Variants in EFCAB6 observed in about 807,000 individuals in gnomAD.
EFCAB6 encodes EF-hand calcium-binding domain-containing protein 6.
Under a neutral mutation model 169.8 loss-of-function variants are expected in EFCAB6, and 156 were observed. That is an observed-to-expected ratio of 0.92 (90% CI 0.81 to 1.05). The LOEUF (loss-of-function observed/expected upper bound fraction) is 1.05. EFCAB6 is among the 50% of genes least tolerant of loss of function. EFCAB6 has a pLI of 0.00. For missense variants in EFCAB6, 1,800 were observed against 1,829.1 expected (o/e 0.98, Z 0.29); for synonymous variants, 698 against 676.4 (o/e 1.03, Z -0.50).
At chr22:43,810,232 CA>C (rs1444756588) in intron 1 of EFCAB6, among the ~76,000 whole-genome samples, 1 of 152,142 alleles carries the variant, frequency 6.6e-6, no homozygotes, top group African/African-American at 2.4e-5. Flanking sequence ...TATGAGGGAC[CA>C]AACTGTGCTT....
intron 10 of EFCAB6, among the ~76,000 whole-genome samples, chr22:43,708,859 A>G (rs1188947488): frequency 6.6e-6 from 1 of 152,092 alleles, no homozygotes; most frequent in Admixed American, 6.5e-5. Flanking sequence ...TTAGCACTTG[A>G]GTGTTCACTC....
intron 6 of EFCAB6, among the ~76,000 whole-genome samples, chr22:43,736,413 T>G (rs1411358974): frequency 2.0e-5 from 3 of 152,234 alleles, no homozygotes; most frequent in African/African-American, 7.2e-5. Context: ...TGACTGTATA[T>G]TTCAACCCCT....
At chr22:43,636,374 C>T (rs887577260) in intron 17 of EFCAB6, among the ~76,000 whole-genome samples, 15 of 152,044 alleles carry the variant, frequency 9.9e-5, no homozygotes, top group Non-Finnish European at 2.9e-5. Context: ...TGCAGTGTCG[C>T]CCTCATCATG....
chr22:43,591,072 AC>A (rs1231156256), intron 23 of EFCAB6, among the ~76,000 whole-genome samples: 1 of 145,856 alleles, frequency 6.9e-6, no homozygotes, highest in African/African-American at 2.6e-5. Context: ...AGTGCCAAAG[AC>A]CCCCTGGGTT....
rs773656973 is a variant in EFCAB6 at position 43,672,295 on chromosome 22, G to A, written c.1430C>T (p.Thr477Ile). 1 of 1,613,988 alleles carries A rather than the reference G, an allele frequency of 6.2e-7. No homozygotes were observed. Among genetic ancestry groups the A allele is most frequent in the Non-Finnish European group, 8.5e-7 (1 of 1,180,002 alleles). The change falls in exon 14 of 32, where the codon ACA (threonine) becomes ATA (isoleucine). Residue 477 changes from threonine to isoleucine, a missense_variant. Transcript: ENST00000262726. ...TGTCTTAGCATCTGTACAGGGAGAT[G>A]TCTTTCTCATCTAATTGGGAAAGAG... ...LIEENCRMRK[T>I]SPCTDAKTPF...
intron 2 of EFCAB6, among the ~76,000 whole-genome samples, chr22:43,793,231 G>A (rs2062375128): frequency 6.6e-6 from 1 of 152,188 alleles, no homozygotes; most frequent in African/African-American, 2.4e-5. Flanking sequence ...ATGCCACAGA[G>A]TACACTGCAG....
At chr22:43,772,406 A>G (rs1159358388) in intron 4 of EFCAB6, among the ~76,000 whole-genome samples, 1 of 152,140 alleles carries the variant, frequency 6.6e-6, no homozygotes. Flanking sequence ...TTGGGAGGCC[A>G]AGGCAGGCAG....
In EFCAB6 at chr22:43,537,757, C is replaced by T. The variant is rs555775697; in HGVS notation, c.3880-212G>A. 8.1e-4 allele frequency among the ~76,000 whole-genome samples: 124 copies of T among 152,180 alleles called. No homozygotes were observed. Among genetic ancestry groups the T allele is most frequent in the Admixed American group, 2.7e-3 (42 of 15,276 alleles). ...ATGTACTTATGCCAAGCCATAATAA[C>T]CAAAATAATTTTGGAAATAGCCATG... is the stretch of plus-strand genomic sequence containing the variant. On this transcript the variant is annotated intron_variant, in intron 28 of 31. Transcript: ENST00000262726. This position sits in a 1 kb window ranked among gnomAD's most constrained non-coding sequence, Gnocchi z 4.3.
intron 30 of EFCAB6, chr22:43,533,595 T>C (rs967225201): frequency 2.0e-5 from 3 of 152,326 alleles, no homozygotes; most frequent in Admixed American, 6.5e-5. Context: ...GTTTTCAATA[T>C]CCCCAAAGCC....
intron 6 of EFCAB6, among the ~76,000 whole-genome samples, chr22:43,755,541 T>C (rs1176904328): frequency 6.6e-6 from 1 of 152,254 alleles, no homozygotes; most frequent in African/African-American, 2.4e-5. Context: ...CCAGGACTTC[T>C]GCTGGTGTCA....
chr22:43,719,729 A>C (rs1292119642), intron 8 of EFCAB6, among the ~76,000 whole-genome samples: 1 of 152,216 alleles, frequency 6.6e-6, no homozygotes, highest in Non-Finnish European at 1.5e-5. Flanking sequence ...GATAGAAAAC[A>C]GTACCTTTGT....
chr22:43,658,362 T>C (rs1460530422), intron 17 of EFCAB6, among the ~76,000 whole-genome samples: 2 of 152,162 alleles, frequency 1.3e-5, no homozygotes, highest in Non-Finnish European at 2.9e-5. Context: ...AGCTGGTGAT[T>C]GTGGGGGTGG....
At chr22:43,573,490 G>T (rs1360558757) in intron 26 of EFCAB6, among the ~76,000 whole-genome samples, 2 of 152,004 alleles carry the variant, frequency 1.3e-5, no homozygotes, top group African/African-American at 2.4e-5. Context: ...CCAGCACTTT[G>T]GGAGGCCGAG....
intron 17 of EFCAB6, among the ~76,000 whole-genome samples, chr22:43,655,281 C>T (rs1602997067): frequency 6.6e-6 from 1 of 151,926 alleles, no homozygotes; most frequent in Admixed American, 6.6e-5. Flanking sequence ...AAATAAAATA[C>T]ATGTAAAATT....
At chr22:43,634,933 G>C (rs560319207) in intron 18 of EFCAB6, among the ~76,000 whole-genome samples, 169 bp downstream of exon 18, 1 of 152,180 alleles carries the variant, frequency 6.6e-6, no homozygotes, top group Non-Finnish European at 1.5e-5. Flanking sequence ...TTCTGAATAT[G>C]GTCAGATAAA....
chr22:43,624,606 A>G (rs1285284006), intron 20 of EFCAB6, among the ~76,000 whole-genome samples: 2 of 151,970 alleles, frequency 1.3e-5, no homozygotes, highest in East Asian at 3.9e-4. Flanking sequence ...CTCTTACTCA[A>G]ACTTCAAGGT....
intron 30 of EFCAB6, among the ~76,000 whole-genome samples, chr22:43,531,323 C>T (rs754451556): frequency 6.6e-6 from 1 of 152,094 alleles, no homozygotes; most frequent in Non-Finnish European, 1.5e-5. Flanking sequence ...TCAGGCCACA[C>T]CACCTCCCAG....
intron 10 of EFCAB6, among the ~76,000 whole-genome samples, chr22:43,710,500 G>C (rs562151239): frequency 6.6e-6 from 1 of 152,338 alleles, no homozygotes; most frequent in South Asian, 2.1e-4. Context: ...CAGGGAACCA[G>C]CTCATTATTT....
At chr22:43,801,684 T>A (rs778539993) in intron 2 of EFCAB6, among the ~76,000 whole-genome samples, 4 of 152,240 alleles carry the variant, frequency 2.6e-5, no homozygotes, top group Non-Finnish European at 5.9e-5. Context: ...TAATTTGTTA[T>A]ATCTATAAGA....
Sources: allele counts gnomAD v4.1 joint callset (sites outside exome capture counted in the v4.1 genomes callset), GRCh38; gene constraint gnomAD v4.1.1; non-coding constraint Gnocchi (gnomAD v3.1); transcripts MANE v1.5; gene names NCBI Gene and HGNC (gene_info 2026-07-23, HGNC 2026-07-21).